The following TRPC7 variants were observed in gnomAD, a reference collection of about 807,000 sequenced individuals.
TRPC7 encodes the protein short transient receptor potential channel 7.
TRPC7 carries 42 observed loss-of-function variants against 90.1 expected under a neutral mutation model. That is an observed-to-expected ratio of 0.47 (90% CI 0.36 to 0.60). The LOEUF (loss-of-function observed/expected upper bound fraction) is 0.60. Ranked by LOEUF, TRPC7 falls within the 20% of genes least tolerant of loss-of-function variation. The pLI, the probability that TRPC7 is intolerant of heterozygous loss-of-function variation, is 0.00. For missense variants in TRPC7, 955 were observed against 1,112.3 expected (o/e 0.86, Z 2.01); for synonymous variants, 451 against 436.3 (o/e 1.03, Z -0.42).
At chr5:136,345,779 C>T (rs1285826601) in intron 2 of TRPC7, among the ~76,000 whole-genome samples, 1 of 152,122 alleles carries the variant, frequency 6.6e-6, no homozygotes, top group Non-Finnish European at 1.5e-5. Flanking sequence ...TTGCCCATGC[C>T]TATGTCCTGA....
chr5:136,343,795 G>T (rs537052731), intron 2 of TRPC7, among the ~76,000 whole-genome samples: 1 of 152,276 alleles, frequency 6.6e-6, no homozygotes, highest in African/African-American at 2.4e-5. Flanking sequence ...GTGACACACT[G>T]GGAAAAGATA....
At chr5:136,287,437 A>C (rs1055954616) in intron 3 of TRPC7, among the ~76,000 whole-genome samples, 1 of 152,082 alleles carries the variant, frequency 6.6e-6, no homozygotes, top group South Asian at 2.1e-4. Context: ...GGTGGCAGAC[A>C]TAAGTTCCAG....
intron 3 of TRPC7, among the ~76,000 whole-genome samples, chr5:136,309,430 G>C (rs1758755891): frequency 6.6e-6 from 1 of 152,154 alleles, no homozygotes. Flanking sequence ...CTACCTCAGA[G>C]GGTGATTCTT....
intron 2 of TRPC7, among the ~76,000 whole-genome samples, chr5:136,320,965 C>T (rs1486932434): frequency 6.6e-6 from 1 of 152,132 alleles, no homozygotes; most frequent in African/African-American, 2.4e-5. Context: ...CCATGTCTCC[C>T]ACTAGAATAT....
At chr5:136,297,208 A>G (rs1455936781) in intron 3 of TRPC7, among the ~76,000 whole-genome samples, 4 of 152,134 alleles carry the variant, frequency 2.6e-5, no homozygotes, top group African/African-American at 9.7e-5. Context: ...CTTGTTTGAT[A>G]AAGGGTTGGA....
At chr5:136,278,292 C>T (rs546908452) in intron 3 of TRPC7, among the ~76,000 whole-genome samples, 10 of 152,338 alleles carry the variant, frequency 6.6e-5, no homozygotes, top group Admixed American at 3.3e-4. Flanking sequence ...GTGGTGTTCA[C>T]GAATGGGCAC....
intron 5 of TRPC7, among the ~76,000 whole-genome samples, chr5:136,259,700 A>G (rs1235638539): frequency 2.6e-5 from 4 of 152,214 alleles, no homozygotes; most frequent in South Asian, 2.1e-4. Context: ...AGCAACAAAG[A>G]CAGATTCCTA....
intron 7 of TRPC7, among the ~76,000 whole-genome samples, chr5:136,241,840 G>C (rs1756178341): frequency 6.6e-6 from 1 of 152,182 alleles, no homozygotes; most frequent in African/African-American, 2.4e-5. Flanking sequence ...ATAGGTGTGA[G>C]CCACCGCGCC....
intron 2 of TRPC7, among the ~76,000 whole-genome samples, chr5:136,349,154 T>C (rs1760107622): frequency 1.3e-5 from 2 of 152,228 alleles, no homozygotes; most frequent in African/African-American, 4.8e-5. Context: ...TTTGCTTCTC[T>C]ATCTTTCCAG....
intron 3 of TRPC7, among the ~76,000 whole-genome samples, chr5:136,298,330 G>A (rs747254796): frequency 6.6e-6 from 1 of 152,220 alleles, no homozygotes; most frequent in African/African-American, 2.4e-5. Context: ...AGGCAGGCAG[G>A]GCAGCTGGAG....
chr5:136,277,432 TTACCTC>T (rs1169146558), intron 3 of TRPC7, among the ~76,000 whole-genome samples: 5 of 152,240 alleles, frequency 3.3e-5, no homozygotes, highest in Non-Finnish European at 7.3e-5. Context: ...AAATTGGTGT[TTACCTC>T]TATCTGGGAA....
intron 9 of TRPC7, 123 bp downstream of exon 9, chr5:136,225,911 C>T: frequency 1.3e-6 from 1 of 783,056 alleles, no homozygotes; most frequent in Non-Finnish European, 2.1e-6. Flanking sequence ...AGTACCGGCC[C>T]TCCCAGCTCC....
chr5:136,213,234 C>A lies in TRPC7; in HGVS notation c.*201G>T, dbSNP rs530671257. 2.7e-5 allele frequency: 16 copies of A among 589,344 alleles called. No homozygotes were observed. The African/African-American group carries it at 3.0e-4, about 11-fold the overall frequency. The allele number at this position is 589,344 out of a possible 1,614,324, so 36.5% of individuals were successfully genotyped here. A position where few individuals can be genotyped will look rare whatever the true frequency, so the allele number is the denominator to read the frequency against. On this transcript the variant is annotated 3_prime_UTR_variant, in exon 12 of 12. Transcript: ENST00000513104. ...TCCCATGGTAGCTTTTCTTACCCAA[C>A]CACCTAGATTCACAGCAGTTCTGGG...
intron 1 of TRPC7, among the ~76,000 whole-genome samples, chr5:136,358,090 T>C (rs972863563): frequency 2.4e-4 from 37 of 152,186 alleles, no homozygotes; most frequent in African/African-American, 8.4e-4. Context: ...GACAGTGCTT[T>C]CTGGTCCACA....
At position 136,236,400 on chromosome 5, in the gene TRPC7, C is replaced by A. The variant is rs187451554; in HGVS notation, c.1845-4851G>T. Among the ~76,000 whole-genome samples the A allele has an allele frequency of 1.5e-3, 228 of 152,314 alleles. 1 individual carries two copies. The highest frequency in any genetic ancestry group is 5.4e-3 in the African/African-American group (223 of 41,564). ...TCTAATCTTCAAAGATCATCACAGA[C>A]CCTTGATTTCATGCAAATACTCTTT... On this transcript the variant is annotated intron_variant, in intron 7 of 11. Coordinates refer to ENST00000513104, the MANE Select transcript of TRPC7 (RefSeq NM_020389.3).
intron 7 of TRPC7, among the ~76,000 whole-genome samples, chr5:136,234,735 C>A (rs2149798523): frequency 6.6e-6 from 1 of 152,280 alleles, no homozygotes; most frequent in Non-Finnish European, 1.5e-5. Context: ...GTTTGATTCA[C>A]CCAATATGGC....
At chr5:136,264,877 C>T (rs1192802840) in intron 5 of TRPC7, among the ~76,000 whole-genome samples, 1 of 152,134 alleles carries the variant, frequency 6.6e-6, no homozygotes, top group Non-Finnish European at 1.5e-5. Context: ...AGGTGTGAGC[C>T]ACTGTGCCTG....
chr5:136,356,872 C>T lies in TRPC7; in HGVS notation c.516G>A (p.Ala172=), dbSNP rs759878900. 6 of 1,613,852 alleles carry T rather than the reference C, an allele frequency of 3.7e-6. No homozygotes were observed. Among genetic ancestry groups the T allele is most frequent in the Non-Finnish European group, 5.1e-6 (6 of 1,179,934 alleles). ...GCACGATCTCATACTCCTGGCAGTG[C>T]GCCGCCAGGATGATGGGCGTGATGT... ...SHDITPIILA[A]HCQEYEIVHI... is the part of the protein sequence containing the mutation. The change falls in exon 2 of 12, where the codon GCG becomes GCA. Residue 172 remains alanine (A), a synonymous_variant. Coordinates refer to ENST00000513104, the MANE Select transcript of TRPC7 (RefSeq NM_020389.3).
At chr5:136,288,896 T>C (rs1393574562) in intron 3 of TRPC7, among the ~76,000 whole-genome samples, 1 of 152,226 alleles carries the variant, frequency 6.6e-6, no homozygotes, top group Non-Finnish European at 1.5e-5. Context: ...TGGGCAGTGG[T>C]TTATTATCAG....
Sources: allele counts gnomAD v4.1 joint callset (sites outside exome capture counted in the v4.1 genomes callset), GRCh38; gene constraint gnomAD v4.1.1; transcripts MANE v1.5; gene names NCBI Gene and HGNC (gene_info 2026-07-23, HGNC 2026-07-21).